Variants in MCCC2 observed in about 807,000 individuals in gnomAD.
MCCC2 encodes methylcrotonoyl-CoA carboxylase beta chain, mitochondrial.
A neutral mutation model predicts 77.2 loss-of-function variants in MCCC2; 52 were observed. The ratio of observed to expected loss-of-function variants is 0.67; its 90% CI spans 0.54 to 0.85. The LOEUF (loss-of-function observed/expected upper bound fraction) is 0.85. Among genes scored for constraint, MCCC2 ranks in the 40% least tolerant of loss-of-function variants. MCCC2 has a pLI of 0.00. For synonymous variants in MCCC2, 253 were observed against 248.4 expected (o/e 1.02, Z -0.18); for missense variants, 682 against 703.2 (o/e 0.97, Z 0.34).
intron 6 of MCCC2, among the ~76,000 whole-genome samples, chr5:71,611,855 C>T (rs1745960737): frequency 6.6e-6 from 1 of 151,058 alleles, no homozygotes; most frequent in African/African-American, 2.4e-5. Context: ...GTGGTGCTAC[C>T]TCGGCTCACT....
At chr5:71,613,244 G>T (rs1317000155) in intron 6 of MCCC2, among the ~76,000 whole-genome samples, 1 of 152,100 alleles carries the variant, frequency 6.6e-6, no homozygotes. Flanking sequence ...ATCTTTTGTT[G>T]GGGGAGGCTA....
At chr5:71,618,119 A>G (rs892867443) in intron 6 of MCCC2, among the ~76,000 whole-genome samples, 1 of 152,146 alleles carries the variant, frequency 6.6e-6, no homozygotes, top group African/African-American at 2.4e-5. Flanking sequence ...CTGAGGCCTG[A>G]TGACATGATG....
chr5:71,625,782 T>C (rs1202772626), intron 6 of MCCC2, among the ~76,000 whole-genome samples: 5 of 152,254 alleles, frequency 3.3e-5, no homozygotes, highest in African/African-American at 1.2e-4. Flanking sequence ...TCATGTTACC[T>C]TTCATCTTTT....
At chr5:71,624,324 TTTAG>T (rs1746462611) in intron 6 of MCCC2, among the ~76,000 whole-genome samples, 1 of 152,236 alleles carries the variant, frequency 6.6e-6, no homozygotes, top group South Asian at 2.1e-4. Flanking sequence ...TATGATGGCA[TTTAG>T]TTTCATTTCT....
intron 4 of MCCC2, among the ~76,000 whole-genome samples, chr5:71,600,394 T>C (rs564995607): frequency 6.6e-6 from 1 of 152,218 alleles, no homozygotes; most frequent in South Asian, 2.1e-4. Context: ...ACTTCTGGGC[T>C]CAAACGATGT....
intron 6 of MCCC2, among the ~76,000 whole-genome samples, chr5:71,610,616 AGAGT>A (rs959420792): frequency 1.3e-5 from 2 of 152,166 alleles, no homozygotes; most frequent in Non-Finnish European, 2.9e-5. Context: ...TTTTCCACAG[AGAGT>A]ATCTAAAGGT....
chr5:71,602,443 G>T lies in MCCC2; in HGVS notation c.384-63G>T, dbSNP rs892438369. ...AGGTTGTATTGGGGTATCTTGTAAT[G>T]AGTGTAATTAGTTTTGAAGAAATCT... On this transcript the variant is annotated intron_variant, in intron 4 of 16. Transcript: ENST00000340941. 13 of 1,604,532 alleles carry T rather than the reference G, an allele frequency of 8.1e-6. No homozygotes were observed. The African/African-American group carries it at 1.6e-4, about 20-fold the overall frequency.
chr5:71,642,183 A>C (rs1047628557), intron 11 of MCCC2, among the ~76,000 whole-genome samples: 6 of 151,054 alleles, frequency 4.0e-5, no homozygotes, highest in African/African-American at 1.5e-4. Flanking sequence ...TGGAGTTCAA[A>C]TACATTTAGG....
At chr5:71,647,986 G>A (rs186438613) in intron 13 of MCCC2, among the ~76,000 whole-genome samples, 86 of 152,270 alleles carry the variant, frequency 5.6e-4, no homozygotes, top group African/African-American at 1.6e-3. Flanking sequence ...GCTGATATTT[G>A]AAGTAGGTAT....
intron 1 of MCCC2, among the ~76,000 whole-genome samples, chr5:71,590,620 C>T (rs190890893): frequency 4.7e-4 from 72 of 152,042 alleles, no homozygotes; most frequent in African/African-American, 1.7e-3. Context: ...AGTTCTAGAC[C>T]AGCCTGGCCA....
At chr5:71,622,309 A>G (rs1269229552) in intron 6 of MCCC2, among the ~76,000 whole-genome samples, 1 of 151,968 alleles carries the variant, frequency 6.6e-6, no homozygotes, top group Non-Finnish European at 1.5e-5. Flanking sequence ...CCCCATAAAT[A>G]TATAGACCTA....
intron 6 of MCCC2, among the ~76,000 whole-genome samples, chr5:71,610,054 A>T (rs1341431821): frequency 5.3e-5 from 8 of 152,248 alleles, no homozygotes; most frequent in African/African-American, 9.6e-5. Flanking sequence ...AGGGGAGCCT[A>T]CAGAGGCAGG....
intron 6 of MCCC2, among the ~76,000 whole-genome samples, chr5:71,610,786 A>G (rs1745904588): frequency 1.3e-5 from 2 of 152,254 alleles, no homozygotes; most frequent in South Asian, 4.1e-4. Flanking sequence ...GGAGATCGAG[A>G]CTATCCTGGC....
chr5:71,653,678 G>A (rs188221595), intron 16 of MCCC2, among the ~76,000 whole-genome samples: 171 of 151,932 alleles, frequency 1.1e-3, no homozygotes, highest in African/African-American at 4.1e-3. Context: ...GTGAGACCCA[G>A]TCTCTACAAA....
chr5:71,592,830 A>T, intron 1 of MCCC2, 96 bp from the exon 2 acceptor site: 1 of 1,001,264 alleles, frequency 1.0e-6, no homozygotes, highest in African/African-American at 1.6e-5. Flanking sequence ...GAGTTGGCAC[A>T]GACCACTGTT....
chr5:71,637,395 A>G (rs1485218500), intron 10 of MCCC2, among the ~76,000 whole-genome samples: 3 of 152,258 alleles, frequency 2.0e-5, no homozygotes, highest in African/African-American at 4.8e-5. Context: ...TATAAAAGTT[A>G]TATTTATACT....
intron 6 of MCCC2, among the ~76,000 whole-genome samples, chr5:71,619,723 A>G (rs1027977261): frequency 2.6e-5 from 4 of 152,056 alleles, no homozygotes; most frequent in African/African-American, 9.7e-5. Context: ...ATTTCAAAGC[A>G]GGCACGGTGG....
intron 6 of MCCC2, among the ~76,000 whole-genome samples, chr5:71,620,642 C>CT (rs1283436579): frequency 6.6e-6 from 1 of 152,142 alleles, no homozygotes; most frequent in African/African-American, 2.4e-5. Context: ...GACCCAGTCT[C>CT]TATTTGTTTA....
intron 4 of MCCC2, among the ~76,000 whole-genome samples, chr5:71,601,761 A>G (rs1745444982): frequency 2.0e-5 from 3 of 152,204 alleles, no homozygotes; most frequent in African/African-American, 7.2e-5. Context: ...CACTGTTGTC[A>G]TCTCAGATTT....
Sources: gnomAD v4.1 joint callset for allele counts (sites outside exome capture counted in the v4.1 genomes callset) on GRCh38, gnomAD v4.1.1 for gene constraint, MANE v1.5 for transcripts, NCBI Gene and HGNC (gene_info 2026-07-23, HGNC 2026-07-21) for gene names.